The following SPTBN4 variants were observed in gnomAD, a reference collection of about 807,000 sequenced individuals.
SPTBN4 encodes the protein spectrin beta, non-erythrocytic 4, also known as spectrin beta chain, non-erythrocytic 4.
A neutral mutation model predicts 277.8 loss-of-function variants in SPTBN4; 96 were observed. The observed-to-expected ratio is 0.35, with a 90% CI of 0.29 to 0.41. The LOEUF is 0.41. SPTBN4 is among the 10% of genes least tolerant of loss of function. The probability of loss-of-function intolerance (pLI) is 1.00; values close to 1 mark genes in which losing one functional copy is unlikely to be tolerated. For synonymous variants in SPTBN4, 1,481 were observed against 1,580.3 expected (o/e 0.94, Z 1.49); for missense variants, 3,006 against 3,595.7 (o/e 0.84, Z 4.19).
At chr19:40,505,748 AAGG>A (rs1186787103) in intron 12 of SPTBN4, among the ~76,000 whole-genome samples, 38 of 151,248 alleles carry the variant, frequency 2.5e-4, no homozygotes, top group African/African-American at 9.0e-4. Flanking sequence ...GGAAGGAAGG[AAGG>A]AAGAAAGAAA....
At chr19:40,470,789 C>A (rs1206828295) in intron 1 of SPTBN4, among the ~76,000 whole-genome samples, 1 of 151,308 alleles carries the variant, frequency 6.6e-6, no homozygotes, top group African/African-American at 2.4e-5. Flanking sequence ...CCCGAAACCA[C>A]ACCCAGCTAA....
chr19:40,535,466 A>G (rs1165247413), intron 20 of SPTBN4, among the ~76,000 whole-genome samples: 1 of 152,060 alleles, frequency 6.6e-6, no homozygotes, highest in Non-Finnish European at 1.5e-5. Flanking sequence ...AGCAAATAGC[A>G]AAGCCTGGAT....
At chr19:40,498,298 A>G (rs1394772090) in intron 7 of SPTBN4, among the ~76,000 whole-genome samples, 1 of 152,094 alleles carries the variant, frequency 6.6e-6, no homozygotes, top group Non-Finnish European at 1.5e-5. Context: ...ATGTCTGGGA[A>G]CCTTATCAGA....
Position 40,520,052 on chromosome 19 carries a change from C to A in SPTBN4, c.3555C>A (p.Leu1185=), listed in dbSNP as rs74764137. ...TCGAACTTGGCTGGCATAAACTGCT[C>A]GGCTTGTGGGAGGCGCGCAGGGAGG... is the stretch of plus-strand genomic sequence containing the variant. ...PHLELGWHKL[L]GLWEARREAL... The change falls in exon 16 of 36, where the codon CTC becomes CTA. Residue 1185 remains leucine, a synonymous_variant. Coordinates refer to ENST00000598249, the MANE Select transcript of SPTBN4 (RefSeq NM_020971.3). 1.7e-4 allele frequency: 260 copies of A among 1,548,988 alleles called. 2 individuals carry two copies. In the African/African-American group the frequency reaches 3.3e-3, roughly 20 times the overall value.
chr19:40,482,053 C>T (rs1298449924), intron 2 of SPTBN4, among the ~76,000 whole-genome samples: 1 of 152,068 alleles, frequency 6.6e-6, no homozygotes, highest in African/African-American at 2.4e-5. Flanking sequence ...TCTCCTGCCT[C>T]AGCCTTCTGA....
intron 1 of SPTBN4, among the ~76,000 whole-genome samples, chr19:40,472,198 C>T (rs185423731): frequency 3.0e-4 from 45 of 150,568 alleles, no homozygotes; most frequent in Non-Finnish European, 5.5e-4. Context: ...TGTGAGCCAC[C>T]GTGCCTGGCC....
intron 7 of SPTBN4, 79 bp downstream of exon 7, chr19:40,497,683 C>T: frequency 8.6e-7 from 1 of 1,164,186 alleles, no homozygotes; most frequent in Middle Eastern, 1.9e-4. Flanking sequence ...TCAACTCCAT[C>T]CCACCCCAGC....
intron 32 of SPTBN4, 62 bp downstream of exon 32, chr19:40,569,788 T>G: frequency 6.6e-7 from 1 of 1,511,148 alleles, no homozygotes; most frequent in Non-Finnish European, 8.9e-7. Flanking sequence ...GGAGGCAGGA[T>G]CTCAGAAACA....
chr19:40,575,357 T>C (rs1259337361), intron 35 of SPTBN4, 54 bp from the exon 36 acceptor site: 1 of 1,568,156 alleles, frequency 6.4e-7, no homozygotes, highest in Non-Finnish European at 8.7e-7. Context: ...ATTCACCTAT[T>C]ATTCCAGCTT....
At chr19:40,496,542 C>T (rs1002737816) in intron 6 of SPTBN4, among the ~76,000 whole-genome samples, 2 of 152,132 alleles carry the variant, frequency 1.3e-5, no homozygotes, top group Non-Finnish European at 2.9e-5. Context: ...ACTCAGCTTC[C>T]CAAAGTGCTG....
chr19:40,541,649 C>G (rs2080803141), intron 20 of SPTBN4, among the ~76,000 whole-genome samples: 1 of 151,978 alleles, frequency 6.6e-6, no homozygotes, highest in Non-Finnish European at 1.5e-5. Context: ...AGCGATCTGT[C>G]CCCCTCAGCC....
At chr19:40,563,559 C>T (rs62107868) in intron 27 of SPTBN4, among the ~76,000 whole-genome samples, 21,773 of 151,538 alleles carry the variant, frequency 0.14, 1,627 homozygotes, top group Non-Finnish European at 0.16. Context: ...AGTATTATCA[C>T]TTCAACAGGT....
intron 20 of SPTBN4, among the ~76,000 whole-genome samples, chr19:40,536,783 A>G (rs1284849667): frequency 1.3e-5 from 2 of 152,020 alleles, no homozygotes; most frequent in Non-Finnish European, 2.9e-5. Context: ...GCCTGTCTCT[A>G]TTTTATTTTA....
intron 6 of SPTBN4, among the ~76,000 whole-genome samples, chr19:40,496,460 G>A (rs897298580): frequency 2.0e-5 from 3 of 151,628 alleles, no homozygotes; most frequent in Admixed American, 6.6e-5. Context: ...AATTTTGTTT[G>A]TTTAGTGGAG....
In SPTBN4 at chr19:40,515,682, A is replaced by G. The variant is rs762693313; in HGVS notation, c.2903+234A>G. On this transcript the variant is annotated intron_variant, in intron 15 of 35. Transcript: ENST00000598249. This position sits in a 1 kb window ranked among gnomAD's most constrained non-coding sequence, Gnocchi z 4.1. The stretch of plus-strand genomic sequence containing the variant: ...TCCAGAAAGAATGTATTGGATATCT[A>G]CAATCTGCCAGGAGTATTCCCAAGC... Among the ~76,000 whole-genome samples, 1 of 152,142 alleles carries G rather than the reference A, an allele frequency of 6.6e-6. No individual in the cohort carries two copies. The highest frequency in any genetic ancestry group is 2.4e-5 in the African/African-American group (1 of 41,436).
At chr19:40,535,121 T>G (rs925350297) in intron 20 of SPTBN4, among the ~76,000 whole-genome samples, 6 of 152,204 alleles carry the variant, frequency 3.9e-5, no homozygotes, top group Non-Finnish European at 4.4e-5. Context: ...AGTGGCTTGA[T>G]CTCAGTCCAT....
At position 40,534,199 on chromosome 19, in the gene SPTBN4, G is replaced by C; in HGVS notation, c.4215G>C (p.Gln1405His). The C allele has an allele frequency of 1.2e-6, 2 of 1,613,966 alleles. No homozygotes were observed. Among genetic ancestry groups the C allele is most frequent in the Non-Finnish European group, 1.7e-6 (2 of 1,179,890 alleles). Residue 1405 changes from glutamine to histidine, a missense_variant, in exon 20 of 36, where the codon CAG becomes CAC. Gln to His is a conservative substitution (Grantham distance 24, BLOSUM62 0). This residue lies in a region of SPTBN4 where 1,759 missense variants were observed against 2,061.5 expected (regional missense o/e 0.85). Coordinates refer to ENST00000598249, the MANE Select transcript of SPTBN4 (RefSeq NM_020971.3). ...GCACCACCCAGGCCAAGGCACGGCA[G>C]CTCTTTGAGGCCAGCAAAGCAGACC... ...LESTTQAKAR[Q>H]LFEASKADQL...
chr19:40,490,262 G>A lies in SPTBN4; in HGVS notation c.495+14G>A. On this transcript the variant is annotated intron_variant, in intron 4 of 35. Transcript: ENST00000598249. This position sits in a 1 kb window ranked among gnomAD's most constrained non-coding sequence, Gnocchi z 4.3. ...CTGCGCTTCCAGGTGACCCTCGAGT[G>A]GCCCCTGCCAAGCCCCGCAACATGG... 6.2e-7 allele frequency: 1 copy of A among 1,609,356 alleles called. No individual in the cohort carries two copies. Among genetic ancestry groups the A allele is most frequent in the Non-Finnish European group, 8.5e-7 (1 of 1,177,148 alleles).
At position 40,575,544 on chromosome 19, in the gene SPTBN4, G is replaced by C. The variant is rs753636820; in HGVS notation, c.7670G>C (p.Arg2557Pro). The C allele has an allele frequency of 6.2e-7, 1 of 1,611,740 alleles. No individual in the cohort carries two copies. Among genetic ancestry groups the C allele is most frequent in the Non-Finnish European group, 8.5e-7 (1 of 1,179,402 alleles). ...EGNPKREGGD[R>P]RASGRRK ...AACCCTAAGAGGGAAGGCGGAGATC[G>C]CAGGGCCAGCGGGCGCAGGAAGTGA... Residue 2557 changes from arginine to proline, a missense_variant, in exon 36 of 36, where the codon CGC becomes CCC. Physicochemically the swap from Arg to Pro is moderately radical, Grantham distance 103. This residue lies in a region of SPTBN4 where 630 missense variants were observed against 677.6 expected (regional missense o/e 0.93). Coordinates refer to ENST00000598249, the MANE Select transcript of SPTBN4 (RefSeq NM_020971.3).
Sources: allele counts gnomAD v4.1 joint callset (sites outside exome capture counted in the v4.1 genomes callset), GRCh38; gene constraint gnomAD v4.1.1; regional missense constraint gnomAD v4.1.1; non-coding constraint Gnocchi (gnomAD v3.1); transcripts MANE v1.5; gene names NCBI Gene and HGNC (gene_info 2026-07-23, HGNC 2026-07-21).